NAA50: variants seen among roughly 807,000 people sequenced by gnomAD.
NAA50 encodes N-alpha-acetyltransferase 50, NatE catalytic subunit.
NAA50 carries 7 observed loss-of-function variants against 20.7 expected under a neutral mutation model. The observed-to-expected ratio is 0.34, with a 90% confidence interval of 0.19 to 0.63. The LOEUF is 0.63. Ranked by LOEUF, NAA50 falls within the 30% of genes least tolerant of loss-of-function variation. The pLI is 0.75. For synonymous variants in NAA50, 54 were observed against 70.6 expected, an observed-to-expected ratio of 0.77 and a Z score of 1.18; for missense variants, 111 against 199.1, an observed-to-expected ratio of 0.56 and a Z score of 2.66.
In NAA50 at chr3:113,718,397, G is replaced by C. The variant is rs773732336; in HGVS notation, c.*3363C>G. ...AGATTCCTGATCCAGAACTGTGGAA[G>C]GTAATACTTGTTTGTTGTTTTAAAC... is the stretch of plus-strand genomic sequence containing the variant. On this transcript the variant is annotated 3_prime_UTR_variant, in exon 5 of 5. Transcript: ENST00000240922. The C allele has an allele frequency of 6.6e-6, 1 of 152,146 alleles. No individual in the cohort carries two copies. The highest frequency in any genetic ancestry group is 1.9e-4 in the East Asian group (1 of 5,198). The allele number at this position is 152,146 out of a possible 1,614,324, so 9.4% of individuals were successfully genotyped here. A position where few individuals can be genotyped will look rare whatever the true frequency, so the allele number is the denominator to read the frequency against.
chr3:113,735,028 G>T (rs1393105134), intron 1 of NAA50, among the ~76,000 whole-genome samples: 1 of 152,124 alleles, frequency 6.6e-6, no homozygotes, highest in Admixed American at 6.5e-5. Context: ...ATAACACATT[G>T]CTTTGACAGC....
chr3:113,731,772 CCT>C (rs568236816), intron 1 of NAA50, among the ~76,000 whole-genome samples: 16 of 152,298 alleles, frequency 1.1e-4, no homozygotes, highest in African/African-American at 3.6e-4. Context: ...TTGACGTTCA[CCT>C]CTGTTTTAAC....
At chr3:113,736,433 A>AC (rs1181399294) in intron 1 of NAA50, among the ~76,000 whole-genome samples, 2 of 152,222 alleles carry the variant, frequency 1.3e-5, no homozygotes, top group Non-Finnish European at 2.9e-5. Flanking sequence ...AATTTGTGCC[A>AC]CAAGATTATA....
At chr3:113,745,636 G>A in intron 1 of NAA50, 2 of 375,126 alleles carry the variant, frequency 5.3e-6, no homozygotes, top group African/African-American at 2.1e-5. Context: ...GGAGGCCCCG[G>A]GCGCTTCACA....
intron 3 of NAA50, 105 bp downstream of exon 3, chr3:113,723,317 C>G (rs1708159203): frequency 1.9e-6 from 2 of 1,077,282 alleles, no homozygotes; most frequent in Non-Finnish European, 2.6e-6. Context: ...GTAACCCTTT[C>G]TCAGTATTCC....
chr3:113,729,615 C>T (rs1708245944), intron 1 of NAA50, among the ~76,000 whole-genome samples: 1 of 151,648 alleles, frequency 6.6e-6, no homozygotes, highest in Non-Finnish European at 1.5e-5. Flanking sequence ...ACAGTCTTGG[C>T]TTGCTGCAAG....
At chr3:113,730,822 T>C (rs921448448) in intron 1 of NAA50, among the ~76,000 whole-genome samples, 1 of 152,250 alleles carries the variant, frequency 6.6e-6, no homozygotes, top group African/African-American at 2.4e-5. Flanking sequence ...TGTAAATTTA[T>C]CCTCTTGTTG....
intron 1 of NAA50, among the ~76,000 whole-genome samples, chr3:113,733,954 G>A (rs923256060): frequency 6.6e-6 from 1 of 151,486 alleles, no homozygotes; most frequent in Non-Finnish European, 1.5e-5. Flanking sequence ...GTTTCTTTTG[G>A]AAGTGCCCCA....
At position 113,720,512 on chromosome 3, in the gene NAA50, G is replaced by C. The variant is rs1708121913; in HGVS notation, c.*1248C>G. 6.6e-6 allele frequency: 1 copy of C among 152,570 alleles called. No individual in the cohort carries two copies. The highest frequency in any genetic ancestry group is 2.1e-4 in the South Asian group (1 of 4,826). 9.5% of individuals were successfully genotyped at this position (152,570 alleles called of 1,614,324 possible). ...CTGGCATAAACCAGTCCTCTCAGTG[G>C]AGGAGGTCACAGTGACATTTGTATT... On this transcript the variant is annotated 3_prime_UTR_variant, in exon 5 of 5. Transcript: ENST00000240922.
Position 113,717,180 on chromosome 3 carries a change from C to G in NAA50, c.*4580G>C, listed in dbSNP as rs1315294178. On this transcript the variant is annotated 3_prime_UTR_variant, in exon 5 of 5. Coordinates refer to ENST00000240922, the MANE Select transcript of NAA50 (RefSeq NM_025146.4). The stretch of plus-strand genomic sequence containing the variant: ...TGAAACCCCCATCTCTACTAAAATA[C>G]AAAAAATTAGCCAGGCGTGGTGGCA... 1.3e-5 allele frequency: 2 copies of G among 152,078 alleles called. No individual in the cohort carries two copies. Among genetic ancestry groups the G allele is most frequent in the African/African-American group, 4.8e-5 (2 of 41,384 alleles). 9.4% of individuals were successfully genotyped at this position (152,078 alleles called of 1,614,324 possible).
chr3:113,722,818 T>C, intron 4 of NAA50, 88 bp downstream of exon 4: 1 of 1,402,200 alleles, frequency 7.1e-7, no homozygotes, highest in Non-Finnish European at 9.5e-7. Context: ...AAAGGCACAA[T>C]AAGTGACCAG....
Position 113,741,037 on chromosome 3 carries a change from T to C in NAA50, c.8+4905A>G. ...TAACAGTTACTTTTCTAATCCCTTCTTCAGTGTCTGAGAATCTGAACTGAA... is the reference window on the plus strand; with the variant it reads ...TAACAGTTACTTTTCTAATCCCTTCCTCAGTGTCTGAGAATCTGAACTGAA... On this transcript the variant is annotated intron_variant, in intron 1 of 4. Transcript: ENST00000240922. The C allele has an allele frequency of 6.2e-6, 3 of 485,826 alleles. No individual in the cohort carries two copies. The Admixed American group carries it at 7.5e-5, about 12-fold the overall frequency. 30.1% of individuals were successfully genotyped at this position (485,826 alleles called of 1,614,324 possible).
At chr3:113,737,844 T>C (rs996291859) in intron 1 of NAA50, among the ~76,000 whole-genome samples, 2 of 151,840 alleles carry the variant, frequency 1.3e-5, no homozygotes, top group Non-Finnish European at 2.9e-5. Flanking sequence ...TTACCAATAA[T>C]TGGGAAGAGG....
chr3:113,739,418 G>A (rs1031295079), intron 1 of NAA50: 1 of 152,222 alleles, frequency 6.6e-6, no homozygotes, highest in African/African-American at 2.4e-5. Context: ...CTTTAAAAAT[G>A]TCAGTACCTT....
Position 113,722,915 on chromosome 3 carries a change from T to C in NAA50, c.323A>G (p.Asn108Ser), listed in dbSNP as rs1577066979. 6.5e-7 allele frequency: 1 copy of C among 1,536,246 alleles called. No individual in the cohort carries two copies. The highest frequency in any genetic ancestry group is 1.2e-5 in the South Asian group (1 of 84,552). ...NICEKDGTFD[N>S]IYLHVQISNE... is the part of the protein sequence containing the mutation. Reference sequence around the variant, plus strand: ...ATATTATTTTACTTACAGATAAATGTTGTCAAAAGTACCATCTTTTTCACA... The same window carrying C: ...ATATTATTTTACTTACAGATAAATGCTGTCAAAAGTACCATCTTTTTCACA... The change falls in exon 4 of 5, where the codon AAC (asparagine) becomes AGC (serine). Residue 108 changes from asparagine (N) to serine (S), a missense_variant. Asn to Ser is a conservative substitution (Grantham distance 46, BLOSUM62 1). Coordinates refer to ENST00000240922, the MANE Select transcript of NAA50 (RefSeq NM_025146.4).
intron 1 of NAA50, among the ~76,000 whole-genome samples, chr3:113,745,319 T>A (rs142915476): frequency 7.9e-5 from 12 of 152,224 alleles, no homozygotes; most frequent in African/African-American, 2.9e-4. Flanking sequence ...CTCCACCTAC[T>A]GATCCACCCT....
intron 1 of NAA50, among the ~76,000 whole-genome samples, chr3:113,741,587 A>C (rs933604767): frequency 6.6e-6 from 1 of 152,270 alleles, no homozygotes; most frequent in Admixed American, 6.5e-5. Context: ...TCCCAGTAAC[A>C]CTTCCCACTC....
intron 1 of NAA50, chr3:113,741,081 C>A (rs1708407392): frequency 5.7e-6 from 3 of 521,836 alleles, no homozygotes; most frequent in Non-Finnish European, 1.1e-5. Flanking sequence ...CCACATACAG[C>A]ATTAATTGTT....
rs760989266 is a variant in NAA50, at chr3:113,721,795, C to G, written c.475G>C (p.Gly159Arg). ...GTCTTTTGCACATCTGCATTCTGAC[C>G]AGAAGGAACTTTGAGGTTTTTCTGC... ...VLQKNLKVPS[G>R]QNADVQKTDN is the part of the protein sequence containing the mutation. The change falls in exon 5 of 5, where the codon GGT becomes CGT. Residue 159 changes from glycine to arginine, a missense_variant. By Grantham distance (125) the Gly-to-Arg change is moderately radical. Coordinates refer to ENST00000240922, the MANE Select transcript of NAA50 (RefSeq NM_025146.4). 6.2e-7 allele frequency: 1 copy of G among 1,613,864 alleles called. No homozygotes were observed. Among genetic ancestry groups the G allele is most frequent in the Non-Finnish European group, 8.5e-7 (1 of 1,179,834 alleles).
Sources: gnomAD v4.1 joint callset for allele counts (sites outside exome capture counted in the v4.1 genomes callset) on GRCh38, gnomAD v4.1.1 for gene constraint, MANE v1.5 for transcripts, NCBI Gene and HGNC (gene_info 2026-07-23, HGNC 2026-07-21) for gene names.